The following GALNTL6 variants were observed in gnomAD, a reference collection of about 807,000 sequenced individuals.
GALNTL6 encodes the protein polypeptide N-acetylgalactosaminyltransferase-like 6.
Under a neutral mutation model 73.7 loss-of-function variants are expected in GALNTL6, and 46 were observed. That is an observed-to-expected ratio of 0.62 (90% CI 0.49 to 0.80). The LOEUF (loss-of-function observed/expected upper bound fraction) is 0.80, where lower values mean the gene tolerates loss of function less well. Among genes scored for constraint, GALNTL6 ranks in the 30% least tolerant of loss-of-function variants. The pLI is 0.00. For synonymous variants in GALNTL6, 259 were observed against 263.7 expected (o/e 0.98, Z 0.17); for missense variants, 604 against 755.0 (o/e 0.80, Z 2.34).
intron 7 of GALNTL6, among the ~76,000 whole-genome samples, chr4:172,849,653 T>C (rs1743708676): frequency 6.6e-6 from 1 of 152,220 alleles, no homozygotes; most frequent in African/African-American, 2.4e-5. Context: ...AATATGATAA[T>C]ATTTATTTCC....
intron 3 of GALNTL6, among the ~76,000 whole-genome samples, chr4:172,309,458 A>G (rs1740273180): frequency 6.6e-6 from 1 of 152,048 alleles, no homozygotes; most frequent in Non-Finnish European, 1.5e-5. Flanking sequence ...ACCTTGTTTT[A>G]AAGGGTACTA....
chr4:172,407,918 A>C (rs1319625498), intron 5 of GALNTL6, among the ~76,000 whole-genome samples: 1 of 152,084 alleles, frequency 6.6e-6, no homozygotes, highest in Admixed American at 6.6e-5. Flanking sequence ...TGGAATACAA[A>C]CCAAATCTTT....
At chr4:172,354,284 C>G (rs952471591) in intron 5 of GALNTL6, among the ~76,000 whole-genome samples, 1 of 151,882 alleles carries the variant, frequency 6.6e-6, no homozygotes, top group African/African-American at 2.4e-5. Context: ...AGGATAATTG[C>G]GTTTAAAAAA....
At chr4:172,861,333 G>GTGTT (rs1399819966) in intron 7 of GALNTL6, among the ~76,000 whole-genome samples, 2 of 150,836 alleles carry the variant, frequency 1.3e-5, no homozygotes, top group Non-Finnish European at 3.0e-5. Flanking sequence ...GTGTGTGTGT[G>GTGTT]TGTGTGTGTG....
chr4:172,193,943 G>A (rs551560270), intron 2 of GALNTL6, among the ~76,000 whole-genome samples: 12 of 152,208 alleles, frequency 7.9e-5, no homozygotes, highest in Middle Eastern at 3.4e-3. Context: ...CCAAATGATC[G>A]CAATACCTGT....
At chr4:172,356,242 C>G (rs1035923807) in intron 5 of GALNTL6, among the ~76,000 whole-genome samples, 1 of 152,070 alleles carries the variant, frequency 6.6e-6, no homozygotes, top group East Asian at 1.9e-4. Context: ...AGAATGTCAC[C>G]AGTGTGAAAC....
intron 2 of GALNTL6, among the ~76,000 whole-genome samples, chr4:172,144,836 G>A (rs377450890): frequency 1.1e-4 from 17 of 152,104 alleles, no homozygotes; most frequent in East Asian, 3.9e-4. Context: ...TACCTACTAT[G>A]CAAATTACAT....
At chr4:173,013,341 C>T (rs1408776034) in intron 11 of GALNTL6, among the ~76,000 whole-genome samples, 2 of 152,306 alleles carry the variant, frequency 1.3e-5, no homozygotes, top group Non-Finnish European at 2.9e-5. Flanking sequence ...TCTACCATCT[C>T]TATTCAACCC....
chr4:172,700,909 AT>A (rs1359941065), intron 5 of GALNTL6, among the ~76,000 whole-genome samples: 4 of 152,118 alleles, frequency 2.6e-5, no homozygotes, highest in African/African-American at 4.8e-5. Flanking sequence ...TTAACCGAAA[AT>A]GCAACAGTCT....
At chr4:172,179,704 T>C (rs552614340) in intron 2 of GALNTL6, among the ~76,000 whole-genome samples, 2 of 151,200 alleles carry the variant, frequency 1.3e-5, no homozygotes, top group Admixed American at 6.6e-5. Flanking sequence ...CCATTGCTTT[T>C]GGTGTTTTGG....
intron 2 of GALNTL6, among the ~76,000 whole-genome samples, chr4:171,901,764 A>G (rs1560832807): frequency 6.6e-6 from 1 of 152,206 alleles, no homozygotes; most frequent in Non-Finnish European, 1.5e-5. Flanking sequence ...AAATTCATCC[A>G]ATATATTAAT....
intron 5 of GALNTL6, among the ~76,000 whole-genome samples, chr4:172,426,674 G>T (rs75755712): frequency 0.021 from 3,233 of 152,210 alleles, 112 homozygotes; most frequent in African/African-American, 0.073. Flanking sequence ...CAAAGTACAG[G>T]AGGGAAGCAT....
At chr4:172,017,565 G>C (rs1393585574) in intron 2 of GALNTL6, among the ~76,000 whole-genome samples, 1 of 152,094 alleles carries the variant, frequency 6.6e-6, no homozygotes, top group Non-Finnish European at 1.5e-5. Flanking sequence ...GAGGCTGCCT[G>C]CCTGTTGGGG....
chr4:172,314,424 T>C (rs988451783), intron 4 of GALNTL6, among the ~76,000 whole-genome samples: 2 of 152,118 alleles, frequency 1.3e-5, no homozygotes, highest in Non-Finnish European at 2.9e-5. Flanking sequence ...GCCGGACTTA[T>C]GCCATGTGAT....
At chr4:172,156,588 T>C (rs1413548085) in intron 2 of GALNTL6, among the ~76,000 whole-genome samples, 1 of 136,492 alleles carries the variant, frequency 7.3e-6, no homozygotes, top group Non-Finnish European at 1.6e-5. Flanking sequence ...ATATATAGTA[T>C]ATTGTACTTC....
chr4:172,179,860 G>A (rs1411359191), intron 2 of GALNTL6, among the ~76,000 whole-genome samples: 1 of 152,128 alleles, frequency 6.6e-6, no homozygotes, highest in African/African-American at 2.4e-5. Flanking sequence ...AGGCATTTGG[G>A]TTGGTTCCAA....
At chr4:172,596,727 A>G (rs547563521) in intron 5 of GALNTL6, among the ~76,000 whole-genome samples, 10 of 152,316 alleles carry the variant, frequency 6.6e-5, no homozygotes, top group African/African-American at 2.2e-4. Context: ...TAATCTAAGG[A>G]CAGTATTATT....
rs542690974 is a variant in GALNTL6 at position 172,617,416 on chromosome 4, A to G, written c.554-191945A>G. Among the ~76,000 whole-genome samples, 191 of 151,262 alleles carry G rather than the reference A, an allele frequency of 1.3e-3. No individual in the cohort carries two copies. The Middle Eastern group carries it at 0.017, about 14-fold the overall frequency. Reference sequence around the variant, plus strand: ...ATGAAAGACACTCAAAAAAAAAAAAAAAGAAGAAAAGAAAATGCATGTTAA... The same window carrying G: ...ATGAAAGACACTCAAAAAAAAAAAAGAAGAAGAAAAGAAAATGCATGTTAA... On this transcript the variant is annotated intron_variant, in intron 5 of 12. Coordinates refer to ENST00000506823, the MANE Select transcript of GALNTL6 (RefSeq NM_001034845.3).
chr4:171,914,929 C>T (rs1737575686), intron 2 of GALNTL6, among the ~76,000 whole-genome samples: 1 of 151,618 alleles, frequency 6.6e-6, no homozygotes, highest in African/African-American at 2.4e-5. Context: ...GAATCATTTT[C>T]AGTTATATTT....
Sources: allele counts gnomAD v4.1 joint callset (sites outside exome capture counted in the v4.1 genomes callset), GRCh38; gene constraint gnomAD v4.1.1; transcripts MANE v1.5; gene names NCBI Gene and HGNC (gene_info 2026-07-23, HGNC 2026-07-21).